Variants in TRDN observed in about 807,000 individuals in gnomAD.
TRDN encodes triadin in skeletal muscle.
Under a neutral mutation model 149.7 loss-of-function variants are expected in TRDN, and 161 were observed. That is an observed-to-expected ratio of 1.08 (90% CI 0.95 to 1.23). The LOEUF (loss-of-function observed/expected upper bound fraction) is 1.23. Ranked by LOEUF, TRDN falls within the 50% of genes most tolerant of loss-of-function variation. The probability of loss-of-function intolerance (pLI) is 0.00; values close to 1 mark genes in which losing one functional copy is unlikely to be tolerated. For synonymous variants in TRDN, 294 were observed against 250.5 expected (o/e 1.17, Z -1.64); for missense variants, 896 against 823.5 (o/e 1.09, Z -1.08).
chr6:123,600,353 A>T (rs1490841632), intron 1 of TRDN, among the ~76,000 whole-genome samples: 1 of 152,050 alleles, frequency 6.6e-6, no homozygotes, highest in African/African-American at 2.4e-5. Context: ...AACACCATTG[A>T]ATCTTAGCCA....
intron 13 of TRDN, among the ~76,000 whole-genome samples, chr6:123,392,974 T>C (rs1447367196): frequency 6.6e-6 from 1 of 152,038 alleles, no homozygotes. Context: ...CCAGTAAACA[T>C]TGTATCTTTT....
At chr6:123,276,032 C>G (rs1456946414) in intron 26 of TRDN, among the ~76,000 whole-genome samples, 1 of 152,058 alleles carries the variant, frequency 6.6e-6, no homozygotes, top group East Asian at 1.9e-4. Context: ...CAGGGCAAAG[C>G]CAAAAGGGGA....
At chr6:123,365,242 G>C (rs1409357924) in intron 20 of TRDN, among the ~76,000 whole-genome samples, 1 of 151,926 alleles carries the variant, frequency 6.6e-6, no homozygotes, top group Non-Finnish European at 1.5e-5. Context: ...TTTTCTTAAA[G>C]AATTCACTAA....
intron 2 of TRDN, among the ~76,000 whole-genome samples, chr6:123,565,115 A>G (rs969363645): frequency 2.6e-5 from 4 of 152,220 alleles, no homozygotes; most frequent in African/African-American, 9.6e-5. Flanking sequence ...TAAATAAAGC[A>G]AAAGAAATTT....
At chr6:123,400,167 G>GTGTA (rs1554232309) in intron 12 of TRDN, among the ~76,000 whole-genome samples, 128 of 123,380 alleles carry the variant, frequency 1.0e-3, no homozygotes, top group Non-Finnish European at 1.9e-3. Context: ...ATATGTATGT[G>GTGTA]TATATATATA....
chr6:123,444,832 G>T (rs1005063840), intron 10 of TRDN, among the ~76,000 whole-genome samples: 38 of 152,260 alleles, frequency 2.5e-4, no homozygotes, highest in African/African-American at 8.7e-4. Flanking sequence ...TTATTGATTT[G>T]CGTATGTTGA....
chr6:123,593,064 A>G (rs188085244), intron 1 of TRDN, among the ~76,000 whole-genome samples: 3 of 152,334 alleles, frequency 2.0e-5, no homozygotes, highest in African/African-American at 7.2e-5. Flanking sequence ...CTAATTAAAC[A>G]TGTCTTCTTT....
rs750589022 is a variant in TRDN at position 123,255,919 on chromosome 6, G to A, written c.1871-17C>T. On this transcript the variant is annotated splice_polypyrimidine_tract_variant and intron_variant, in intron 35 of 40. Coordinates refer to ENST00000334268, the MANE Select transcript of TRDN (RefSeq NM_006073.4). ...CTGCTTTTTCTGTATAGAAGAAACAGTAACAGGGTAATTTATTTTTTTATT... is the reference window on the plus strand; with the variant it reads ...CTGCTTTTTCTGTATAGAAGAAACAATAACAGGGTAATTTATTTTTTTATT... 2.4e-6 allele frequency: 3 copies of A among 1,248,134 alleles called. No individual in the cohort carries two copies. The highest frequency in any genetic ancestry group is 1.6e-5 in the African/African-American group (1 of 63,422). 77.3% of individuals were successfully genotyped at this position (1,248,134 alleles called of 1,614,324 possible).
At chr6:123,360,743 C>G (rs1019258464) in intron 20 of TRDN, among the ~76,000 whole-genome samples, 18 of 122,806 alleles carry the variant, frequency 1.5e-4, no homozygotes, top group Admixed American at 3.3e-4. Context: ...GAGAGAGAGA[C>G]AGGGAGAGAG....
intron 18 of TRDN, among the ~76,000 whole-genome samples, chr6:123,375,917 C>T (rs540439978): frequency 6.6e-6 from 1 of 151,954 alleles, no homozygotes; most frequent in African/African-American, 2.4e-5. Flanking sequence ...TTTTAATTAT[C>T]CAAGGATCTC....
Position 123,348,007 on chromosome 6 carries a change from A to G in TRDN, c.1369+4532T>C, listed in dbSNP as rs1208989704. On this transcript the variant is annotated intron_variant, in intron 21 of 40. Transcript: ENST00000334268. Reference sequence around the variant, plus strand: ...GCTAACTCCAAGTTAAGAATTTTTGATCATGGAATGCAATGTAAAGTCTTG... The same window carrying G: ...GCTAACTCCAAGTTAAGAATTTTTGGTCATGGAATGCAATGTAAAGTCTTG... Among the ~76,000 whole-genome samples, 10 of 152,166 alleles carry G rather than the reference A, an allele frequency of 6.6e-5. No individual in the cohort carries two copies. In the South Asian group the frequency reaches 1.9e-3, roughly 28 times the overall value.
At chr6:123,467,344 A>AAT (rs922329256) in intron 9 of TRDN, among the ~76,000 whole-genome samples, 76 of 151,606 alleles carry the variant, frequency 5.0e-4, no homozygotes, top group Non-Finnish European at 2.4e-4. Flanking sequence ...CCTGGATGCC[A>AAT]ATATATATAT....
In TRDN at chr6:123,503,150, G is replaced by A. The variant is rs974424856; in HGVS notation, c.793+569C>T. On this transcript the variant is annotated intron_variant, in intron 8 of 40. Transcript: ENST00000334268. ...AGAGCTTTCTAAAGTTAGAAATTTA[G>A]TCAATGGAAACTGAAAAAGAAACTT... 1.9e-5 allele frequency: 19 copies of A among 985,122 alleles called. No homozygotes were observed. The African/African-American group carries it at 2.8e-4, about 14-fold the overall frequency. The allele number at this position is 985,122 out of a possible 1,614,324, so 61.0% of individuals were successfully genotyped here.
At chr6:123,322,483 T>G (rs1291167627) in intron 23 of TRDN, among the ~76,000 whole-genome samples, 1 of 152,058 alleles carries the variant, frequency 6.6e-6, no homozygotes, top group Non-Finnish European at 1.5e-5. Flanking sequence ...TAACAAATAT[T>G]TCCTGAGTAT....
At chr6:123,485,177 T>G (rs905426167) in intron 9 of TRDN, among the ~76,000 whole-genome samples, 1 of 152,160 alleles carries the variant, frequency 6.6e-6, no homozygotes, top group Non-Finnish European at 1.5e-5. Flanking sequence ...CGCTCTCATT[T>G]CTTCTCTCAT....
intron 9 of TRDN, among the ~76,000 whole-genome samples, chr6:123,492,859 AG>A (rs1377736857): frequency 6.6e-6 from 1 of 152,152 alleles, no homozygotes; most frequent in Non-Finnish European, 1.5e-5. Flanking sequence ...TTTAAGCCCT[AG>A]GAAAAAAAGT....
chr6:123,421,368 T>C (rs957277440), intron 12 of TRDN, among the ~76,000 whole-genome samples: 3 of 152,214 alleles, frequency 2.0e-5, no homozygotes, highest in African/African-American at 7.2e-5. Context: ...GGCAAAGATA[T>C]GATTTTGTCA....
chr6:123,481,739 C>T (rs1440208988), intron 9 of TRDN, among the ~76,000 whole-genome samples: 1 of 152,136 alleles, frequency 6.6e-6, no homozygotes, highest in East Asian at 1.9e-4. Context: ...TCCAAAACTT[C>T]AAAAATCCTT....
At chr6:123,591,125 C>A (rs1266799637) in intron 1 of TRDN, among the ~76,000 whole-genome samples, 2 of 152,002 alleles carry the variant, frequency 1.3e-5, no homozygotes, top group Non-Finnish European at 2.9e-5. Context: ...GAAAACAAAT[C>A]CATAGAGTAT....
Sources: allele counts gnomAD v4.1 joint callset (sites outside exome capture counted in the v4.1 genomes callset), GRCh38; gene constraint gnomAD v4.1.1; transcripts MANE v1.5; gene names NCBI Gene and HGNC (gene_info 2026-07-23, HGNC 2026-07-21).